Variants in CALCA observed in about 807,000 individuals in gnomAD.
The protein encoded by CALCA is calcitonin.
Under a neutral mutation model 6.9 loss-of-function variants are expected in CALCA, and 4 were observed. That is an observed-to-expected ratio of 0.58 (90% CI 0.29 to 1.33). The LOEUF is 1.33. Ranked by LOEUF, CALCA falls within the 40% of genes most tolerant of loss-of-function variation. The pLI is 0.09. For missense variants in CALCA, 174 were observed against 178.3 expected (o/e 0.98, Z 0.14); for synonymous variants, 78 against 70.0 (o/e 1.11, Z -0.57).
Position 14,971,217 on chromosome 11 carries a change from G to T in CALCA, c.-9-16C>A. 1.3e-6 allele frequency: 2 copies of T among 1,576,236 alleles called. No individual in the cohort carries two copies. Among genetic ancestry groups the T allele is most frequent in the Non-Finnish European group, 1.7e-6 (2 of 1,145,528 alleles). On this transcript the variant is annotated splice_polypyrimidine_tract_variant and intron_variant, in intron 1 of 3. Transcript: ENST00000331587. ...TGACACCTCTCTGCAAGGGAAGAAT[G>T]AGATAAACCACCTGCGCCAGTTCGA... is the stretch of plus-strand genomic sequence containing the variant.
chr11:14,967,686 T>C, downstream of CALCA: 10 of 1,613,984 alleles, frequency 6.2e-6, no homozygotes, highest in Non-Finnish European at 8.5e-6. Flanking sequence ...TCTTGAGTCA[T>C]TCAGCTGCTC....
In CALCA at chr11:14,968,934, C is replaced by T. The variant is rs1174167738; in HGVS notation, c.291G>A (p.Thr97=). The T allele has an allele frequency of 1.9e-5, 31 of 1,613,932 alleles. No homozygotes were observed. In the Middle Eastern group the frequency reaches 6.7e-4, roughly 35 times the overall value. The change falls in exon 4 of 4, where the codon ACG becomes ACA. Residue 97 remains threonine, a synonymous_variant. Transcript: ENST00000331587. Reference sequence around the variant, plus strand: ...ACGTGTGAAACTTGTTGAAGTCCTGCGTGTATGTGCCCAGCATGCAAGTAC... The same window carrying T: ...ACGTGTGAAACTTGTTGAAGTCCTGTGTGTATGTGCCCAGCATGCAAGTAC... ...NLSTCMLGTY[T]QDFNKFHTFP...
rs1389889159 is a variant in CALCA, at chr11:14,971,187, G to A, written c.6C>T (p.Gly2=). ...CCAGGAAGGGGGAGAACTTTTGGAA[G>A]CCCATGACACCTCTCTGCAAGGGAA... M[G]FQKFSPFLAL... The change falls in exon 2 of 4, where the codon GGC becomes GGT. Residue 2 remains glycine, a synonymous_variant. Coordinates refer to ENST00000331587, the MANE Select transcript of CALCA (RefSeq NM_001741.3). The A allele has an allele frequency of 6.2e-7, 1 of 1,613,604 alleles. No individual in the cohort carries two copies. The highest frequency in any genetic ancestry group is 1.3e-5 in the African/African-American group (1 of 74,906).
rs782436578 is a variant in CALCA at position 14,970,026 on chromosome 11, C to CACTGA, written c.135_136insTCAGT (p.Glu46SerfsTer18). ...AGTGCAGCCAGCAGGAGGCGCGCTTCGTCCTCACTGAGCGTGGCCGGGTCT... is the reference window on the plus strand; with the variant it reads ...AGTGCAGCCAGCAGGAGGCGCGCTTCACTGAGTCCTCACTGAGCGTGGCCGGGTCT... On this transcript the variant is annotated frameshift_variant, in exon 3 of 4. Transcript: ENST00000331587. LOFTEE classifies it high-confidence loss of function. The CACTGA allele has an allele frequency of 4.3e-6, 7 of 1,614,242 alleles. No individual in the cohort carries two copies. The South Asian group carries it at 6.6e-5, about 15-fold the overall frequency.
downstream of CALCA, chr11:14,967,245 TG>T (rs1260913401): frequency 5.3e-6 from 1 of 187,294 alleles, no homozygotes; most frequent in Non-Finnish European, 1.1e-5. Flanking sequence ...AACTGAGGCT[TG>T]GAGAGAGTTA....
At chr11:14,970,814 T>G (rs1436939968) in intron 2 of CALCA, among the ~76,000 whole-genome samples, 4 of 152,012 alleles carry the variant, frequency 2.6e-5, no homozygotes, top group Non-Finnish European at 5.9e-5. Flanking sequence ...GCAGGAGAAT[T>G]GCTTGAACCC....
downstream of CALCA, chr11:14,967,626 TA>T: frequency 1.9e-6 from 3 of 1,607,912 alleles, no homozygotes; most frequent in South Asian, 3.3e-5. Flanking sequence ...TACACCCCTG[TA>T]AAAACCAGTC....
rs1555026159 is a variant in CALCA, at chr11:14,970,045, C to G, written c.117G>C (p.Pro39=). 4 of 1,614,236 alleles carry G rather than the reference C, an allele frequency of 2.5e-6. No homozygotes were observed. The highest frequency in any genetic ancestry group is 4.5e-5 in the East Asian group (2 of 44,886). ...RSALESSPAD[P]ATLSEDEARL... Reference sequence around the variant, plus strand: ...GCGCTTCGTCCTCACTGAGCGTGGCCGGGTCTGCTGGGCTGCTCTCCAGGG... The same window carrying G: ...GCGCTTCGTCCTCACTGAGCGTGGCGGGGTCTGCTGGGCTGCTCTCCAGGG... Residue 39 remains proline, a synonymous_variant, in exon 3 of 4, where the codon CCG becomes CCC. Transcript: ENST00000331587.
chr11:14,967,988 A>G (rs1420157881), downstream of CALCA: 4 of 1,021,234 alleles, frequency 3.9e-6, no homozygotes, highest in African/African-American at 6.3e-5. Context: ...TCTCCTAAAC[A>G]CAATTATCAG....
chr11:14,969,005 G>A lies in CALCA; in HGVS notation c.228-8C>T. ...GATCTGGGGCTGTCCAGGCTGCAGGGAAAACACATACCAGACAGTACCATG... is the reference window on the plus strand; with the variant it reads ...GATCTGGGGCTGTCCAGGCTGCAGGAAAAACACATACCAGACAGTACCATG... On this transcript the variant is annotated splice_polypyrimidine_tract_variant and splice_region_variant and intron_variant, in intron 3 of 3. Coordinates refer to ENST00000331587, the MANE Select transcript of CALCA (RefSeq NM_001741.3). 6.2e-7 allele frequency: 1 copy of A among 1,612,352 alleles called. No individual in the cohort carries two copies. The highest frequency in any genetic ancestry group is 8.5e-7 in the Non-Finnish European group (1 of 1,179,352).
intron 3 of CALCA, 90 bp from the exon 4 acceptor site, chr11:14,969,087 C>T: frequency 6.4e-6 from 8 of 1,250,044 alleles, no homozygotes; most frequent in Non-Finnish European, 9.4e-6. Flanking sequence ...GCAGGGGACC[C>T]TGGGAGCAGG....
downstream of CALCA, among the ~76,000 whole-genome samples, chr11:14,967,413 A>T (rs928056285): frequency 1.3e-5 from 2 of 152,254 alleles, no homozygotes; most frequent in African/African-American, 4.8e-5. Flanking sequence ...AATCAAAATT[A>T]TAAATGTCAA....
At chr11:14,971,264 T>C in intron 1 of CALCA, 63 bp from the exon 2 acceptor site, 1 of 996,936 alleles carries the variant, frequency 1.0e-6, no homozygotes, top group South Asian at 1.3e-5. Flanking sequence ...CCCACAGACC[T>C]TGGCTCCTAT....
intron 3 of CALCA, 25 bp from the exon 4 acceptor site, chr11:14,969,022 A>G (rs1555025909): frequency 1.2e-6 from 2 of 1,605,682 alleles, no homozygotes; most frequent in African/African-American, 1.3e-5. Flanking sequence ...CATACCAGAC[A>G]GTACCATGCA....
At chr11:14,967,395 G>T (rs980764953), downstream of CALCA, among the ~76,000 whole-genome samples, 1 of 152,092 alleles carries the variant, frequency 6.6e-6, no homozygotes, top group East Asian at 1.9e-4. Context: ...AAACTCAAAG[G>T]CTAGAATAAT....
At chr11:14,971,736 C>G (rs1006374397) in intron 1 of CALCA, among the ~76,000 whole-genome samples, 1 of 152,216 alleles carries the variant, frequency 6.6e-6, no homozygotes, top group Non-Finnish European at 1.5e-5. Flanking sequence ...CCTGCAGGAA[C>G]CAAGTTTTAC....
downstream of CALCA, chr11:14,968,257 T>C: frequency 3.1e-6 from 1 of 322,806 alleles, no homozygotes; most frequent in Non-Finnish European, 5.7e-6. Flanking sequence ...AAATACCCTT[T>C]CTTAGGAAAA....
At position 14,970,039 on chromosome 11, in the gene CALCA, C is replaced by A; in HGVS notation, c.123G>T (p.Thr41=). The change falls in exon 3 of 4, where the codon ACG becomes ACT. Residue 41 remains threonine (T), a synonymous_variant. Coordinates refer to ENST00000331587, the MANE Select transcript of CALCA (RefSeq NM_001741.3). Reference sequence around the variant, plus strand: ...GGAGGCGCGCTTCGTCCTCACTGAGCGTGGCCGGGTCTGCTGGGCTGCTCT... The same window carrying A: ...GGAGGCGCGCTTCGTCCTCACTGAGAGTGGCCGGGTCTGCTGGGCTGCTCT... ...ALESSPADPA[T]LSEDEARLLL... 6.2e-7 allele frequency: 1 copy of A among 1,614,240 alleles called. No individual in the cohort carries two copies. Among genetic ancestry groups the A allele is most frequent in the South Asian group, 1.1e-5 (1 of 91,076 alleles).
rs1555026411 is a variant in CALCA at position 14,971,106 on chromosome 11, C to T, written c.86+1G>A. 6.2e-7 allele frequency: 1 copy of T among 1,613,336 alleles called. No homozygotes were observed. Among genetic ancestry groups the T allele is most frequent in the Non-Finnish European group, 8.5e-7 (1 of 1,179,514 alleles). Reference sequence around the variant, plus strand: ...GTGGTTCTGGCTTCAGGCTGTCTTACCTGAATGGTGCTGCATGGAGGCTGC... The same window carrying T: ...GTGGTTCTGGCTTCAGGCTGTCTTATCTGAATGGTGCTGCATGGAGGCTGC... On this transcript the variant is annotated splice_donor_variant, in intron 2 of 3. Transcript: ENST00000331587. LOFTEE classifies it high-confidence loss of function.
Sources: allele counts gnomAD v4.1 joint callset (sites outside exome capture counted in the v4.1 genomes callset), GRCh38; gene constraint gnomAD v4.1.1; transcripts MANE v1.5; gene names NCBI Gene and HGNC (gene_info 2026-07-23, HGNC 2026-07-21).